The following PLEKHA5 variants were observed in gnomAD, a reference collection of about 807,000 sequenced individuals.
PLEKHA5 encodes the protein pleckstrin homology domain containing A5, also known as pleckstrin homology domain-containing family A member 5.
A neutral mutation model predicts 181.9 loss-of-function variants in PLEKHA5; 55 were observed. The ratio of observed to expected loss-of-function variants is 0.30; its 90% confidence interval spans 0.24 to 0.38. The LOEUF is 0.38. PLEKHA5 is among the 10% of genes least tolerant of loss of function. The pLI is 1.00. For missense variants in PLEKHA5, 1,432 were observed against 1,549.5 expected (o/e 0.92, Z 1.27); for synonymous variants, 535 against 529.4 (o/e 1.01, Z -0.15).
chr12:19,270,005 C>T (rs898420894), intron 9 of PLEKHA5, 120 bp downstream of exon 9: 16 of 653,926 alleles, frequency 2.4e-5, no homozygotes, highest in Admixed American at 2.2e-4. Context: ...TCATTTTTTC[C>T]TCAGAAAGCA....
intron 20 of PLEKHA5, among the ~76,000 whole-genome samples, chr12:19,336,062 G>A (rs1318890917): frequency 1.3e-5 from 2 of 152,178 alleles, no homozygotes; most frequent in African/African-American, 4.8e-5. Context: ...AAGGAGAAAA[G>A]TACAGATGGA....
At position 19,283,267 on chromosome 12, in the gene PLEKHA5, T is replaced by G; in HGVS notation, c.1314-13T>G. The G allele has an allele frequency of 6.6e-7, 1 of 1,515,536 alleles. No homozygotes were observed. Among genetic ancestry groups the G allele is most frequent in the Non-Finnish European group, 9.0e-7 (1 of 1,114,164 alleles). 93.9% of individuals were successfully genotyped at this position (1,515,536 alleles called of 1,614,324 possible). A position where few individuals can be genotyped will look rare whatever the true frequency, so the allele number is the denominator to read the frequency against. On this transcript the variant is annotated splice_polypyrimidine_tract_variant and intron_variant, in intron 11 of 31. Transcript: ENST00000429027. ...TCCTTCATGTTTACATTTTAATTATTTTTTTATTTTAGAGTAATTTCTTAC... is the reference window on the plus strand; with the variant it reads ...TCCTTCATGTTTACATTTTAATTATGTTTTTATTTTAGAGTAATTTCTTAC...
At chr12:19,192,042 G>GA (rs1178316910) in intron 3 of PLEKHA5, among the ~76,000 whole-genome samples, 4 of 152,084 alleles carry the variant, frequency 2.6e-5, no homozygotes, top group Non-Finnish European at 1.5e-5. Flanking sequence ...ATAGGCTGGG[G>GA]ATCACTGAGG....
intron 11 of PLEKHA5, among the ~76,000 whole-genome samples, chr12:19,279,127 G>A (rs555003352): frequency 6.6e-6 from 1 of 152,272 alleles, no homozygotes; most frequent in East Asian, 1.9e-4. Context: ...GCTCTCTGGT[G>A]CGATAAGATT....
intron 10 of PLEKHA5, among the ~76,000 whole-genome samples, chr12:19,273,042 G>A (rs2073457900): frequency 1.3e-5 from 2 of 148,494 alleles, no homozygotes; most frequent in Non-Finnish European, 3.0e-5. Flanking sequence ...GAGTAGGTGG[G>A]ATTACAGATG....
intron 3 of PLEKHA5, among the ~76,000 whole-genome samples, chr12:19,156,955 G>T (rs1591841150): frequency 6.6e-6 from 1 of 151,734 alleles, no homozygotes; most frequent in Non-Finnish European, 1.5e-5. Context: ...GCTACTTGGG[G>T]GGCTGAGGCA....
chr12:19,247,980 T>A (rs1209831302), intron 3 of PLEKHA5, among the ~76,000 whole-genome samples: 2 of 151,756 alleles, frequency 1.3e-5, no homozygotes, highest in African/African-American at 2.4e-5. Context: ...CTGCCCAGGC[T>A]GGAGTGCAGT....
intron 3 of PLEKHA5, among the ~76,000 whole-genome samples, chr12:19,228,007 G>A (rs978781977): frequency 2.6e-5 from 4 of 152,132 alleles, no homozygotes; most frequent in African/African-American, 7.2e-5. Flanking sequence ...ATGGGAGCCC[G>A]CTAAGATCCC....
chr12:19,251,440 AGTT>A (rs879487902), intron 3 of PLEKHA5, among the ~76,000 whole-genome samples: 58 of 151,810 alleles, frequency 3.8e-4, no homozygotes, highest in South Asian at 6.2e-4. Flanking sequence ...AAGAAAAAAA[AGTT>A]GTATCACCAG....
At chr12:19,325,978 G>T (rs1470358871) in intron 20 of PLEKHA5, among the ~76,000 whole-genome samples, 1 of 152,036 alleles carries the variant, frequency 6.6e-6, no homozygotes, top group African/African-American at 2.4e-5. Flanking sequence ...TTGCACTCCG[G>T]CCTGGGCAAC....
At chr12:19,149,057 A>G (rs1185080377) in intron 3 of PLEKHA5, among the ~76,000 whole-genome samples, 1 of 152,176 alleles carries the variant, frequency 6.6e-6, no homozygotes, top group Non-Finnish European at 1.5e-5. Flanking sequence ...CTGACCTGCT[A>G]TTTAAGCCTC....
chr12:19,277,921 G>A (rs2075054294), intron 11 of PLEKHA5, among the ~76,000 whole-genome samples: 1 of 152,192 alleles, frequency 6.6e-6, no homozygotes, highest in Non-Finnish European at 1.5e-5. Context: ...CACAGGGAAA[G>A]GGCTTTTATG....
At chr12:19,347,666 A>G (rs1266872461) in intron 24 of PLEKHA5, among the ~76,000 whole-genome samples, 1 of 152,154 alleles carries the variant, frequency 6.6e-6, no homozygotes, top group Non-Finnish European at 1.5e-5. Context: ...GGGTTAAGCA[A>G]ATAATGTAGG....
At chr12:19,228,383 G>C (rs1476973464) in intron 3 of PLEKHA5, among the ~76,000 whole-genome samples, 1 of 152,074 alleles carries the variant, frequency 6.6e-6, no homozygotes, top group Admixed American at 6.5e-5. Flanking sequence ...CTACTCTCCA[G>C]ATCCTACCTA....
intron 10 of PLEKHA5, among the ~76,000 whole-genome samples, chr12:19,271,738 G>A (rs1418005073): frequency 6.6e-6 from 1 of 152,018 alleles, no homozygotes; most frequent in Non-Finnish European, 1.5e-5. Context: ...GCAATTATTT[G>A]GCTTGGCTTT....
chr12:19,338,368 C>T (rs950671381), intron 21 of PLEKHA5, among the ~76,000 whole-genome samples: 1 of 151,930 alleles, frequency 6.6e-6, no homozygotes, highest in Non-Finnish European at 1.5e-5. Flanking sequence ...GCCTGTAATC[C>T]CAGCACTTTG....
chr12:19,250,070 A>G (rs2064859631), intron 3 of PLEKHA5, among the ~76,000 whole-genome samples: 2 of 152,160 alleles, frequency 1.3e-5, no homozygotes, highest in South Asian at 4.1e-4. Context: ...CCCAGTTATG[A>G]CATTCAAAAT....
intron 3 of PLEKHA5, chr12:19,150,866 T>TTGTTGAAA: frequency 6.6e-6 from 1 of 152,280 alleles, no homozygotes; most frequent in African/African-American, 2.4e-5. Context: ...TATGATAGAT[T>TTGTTGAAA]TGTTGAAATG....
intron 31 of PLEKHA5, chr12:19,371,873 T>C (rs2095585368): frequency 6.6e-6 from 1 of 152,252 alleles, no homozygotes; most frequent in African/African-American, 2.4e-5. Flanking sequence ...TTTAGTTCTT[T>C]AAGGAATCTC....
Sources: gnomAD v4.1 joint callset for allele counts (sites outside exome capture counted in the v4.1 genomes callset) on GRCh38, gnomAD v4.1.1 for gene constraint, MANE v1.5 for transcripts, NCBI Gene and HGNC (gene_info 2026-07-23, HGNC 2026-07-21) for gene names.